The following DYTN variants were observed in gnomAD, a reference collection of about 807,000 sequenced individuals.
DYTN encodes dystrotelin.
DYTN carries 75 observed loss-of-function variants against 69.6 expected under a neutral mutation model. The ratio of observed to expected loss-of-function variants is 1.08; its 90% CI spans 0.89 to 1.31. The LOEUF (loss-of-function observed/expected upper bound fraction) is 1.31. DYTN is among the 50% of genes most tolerant of loss of function. The pLI, the probability that DYTN is intolerant of heterozygous loss-of-function variation, is 0.00. For synonymous variants in DYTN, 252 were observed against 249.1 expected (o/e 1.01, Z -0.11); for missense variants, 726 against 688.4 (o/e 1.05, Z -0.61).
Position 206,693,461 on chromosome 2 carries a change from C to T in DYTN, c.832-138G>A, listed in dbSNP as rs966989351. The T allele has an allele frequency of 2.9e-5, 32 of 1,121,014 alleles. No individual in the cohort carries two copies. The East Asian group carries it at 4.6e-4, about 16-fold the overall frequency. The allele number at this position is 1,121,014 out of a possible 1,614,324, so 69.4% of individuals were successfully genotyped here. ...GTCCTCAGAAAAATAATCTTACCTCCTTCTTGTCCCTGAATTTCTTCACAT... is the reference window on the plus strand; with the variant it reads ...GTCCTCAGAAAAATAATCTTACCTCTTTCTTGTCCCTGAATTTCTTCACAT... On this transcript the variant is annotated intron_variant, in intron 8 of 11. Coordinates refer to ENST00000452335, the MANE Select transcript of DYTN (RefSeq NM_001093730.1).
Position 206,706,340 on chromosome 2 carries a change from A to G in DYTN, c.297-467T>C, listed in dbSNP as rs184679735. 3.4e-4 allele frequency among the ~76,000 whole-genome samples: 52 copies of G among 152,310 alleles called. No homozygotes were observed. The East Asian group carries it at 4.4e-3, about 13-fold the overall frequency. Reference sequence around the variant, plus strand: ...TCCTTGCCCACTTGCTGTCTAGTTTACAAACGTACTGAACAATTTATCGAA... The same window carrying G: ...TCCTTGCCCACTTGCTGTCTAGTTTGCAAACGTACTGAACAATTTATCGAA... On this transcript the variant is annotated intron_variant, in intron 3 of 11. Transcript: ENST00000452335.
chr2:206,666,050 A>G, intron 9 of DYTN, 21 bp from the exon 10 acceptor site: 1 of 1,611,192 alleles, frequency 6.2e-7, no homozygotes, highest in Non-Finnish European at 8.5e-7. Flanking sequence ...AACAGATTTG[A>G]GCGGTTTGGA....
chr2:206,676,073 A>T (rs1248878499), intron 9 of DYTN, among the ~76,000 whole-genome samples: 1 of 152,208 alleles, frequency 6.6e-6, no homozygotes, highest in African/African-American at 2.4e-5. Context: ...CAATCCCATT[A>T]CTGGGTATAA....
At chr2:206,677,418 A>T (rs1281063369) in intron 9 of DYTN, among the ~76,000 whole-genome samples, 1 of 149,958 alleles carries the variant, frequency 6.7e-6, no homozygotes, top group Admixed American at 6.7e-5. Flanking sequence ...AGATAGCATT[A>T]AAACACATTC....
chr2:206,662,335 C>G (rs907881919), intron 11 of DYTN, among the ~76,000 whole-genome samples: 1 of 152,146 alleles, frequency 6.6e-6, no homozygotes, highest in Admixed American at 6.5e-5. Flanking sequence ...AGAAGGATCT[C>G]TCTCTACATA....
intron 5 of DYTN, chr2:206,701,044 C>A (rs1024746816): frequency 6.6e-6 from 1 of 152,090 alleles, no homozygotes; most frequent in Non-Finnish European, 1.5e-5. Context: ...CAAGTCCTTG[C>A]TATTGTATAT....
At chr2:206,716,349 G>C (rs1013073224) in intron 1 of DYTN, among the ~76,000 whole-genome samples, 1 of 152,110 alleles carries the variant, frequency 6.6e-6, no homozygotes, top group Non-Finnish European at 1.5e-5. Flanking sequence ...GTGAGAACAT[G>C]CCACAGGCCT....
chr2:206,694,918 A>T, intron 7 of DYTN, 41 bp from the exon 8 acceptor site: 35 of 940,650 alleles, frequency 3.7e-5, no homozygotes, highest in Non-Finnish European at 4.4e-5. Context: ...TCACTAGTAG[A>T]TGAGAAAAAA....
At chr2:206,688,036 C>A (rs1213003320) in intron 9 of DYTN, among the ~76,000 whole-genome samples, 1 of 152,132 alleles carries the variant, frequency 6.6e-6, no homozygotes, top group East Asian at 1.9e-4. Context: ...CCTTGTGATT[C>A]TATCTGGAAA....
intron 9 of DYTN, among the ~76,000 whole-genome samples, chr2:206,691,216 C>G (rs1034292393): frequency 7.2e-5 from 11 of 152,098 alleles, no homozygotes; most frequent in African/African-American, 2.4e-4. Context: ...AGATCAAGAC[C>G]AGCCTGGCCA....
At chr2:206,671,468 T>G (rs768242855) in intron 9 of DYTN, among the ~76,000 whole-genome samples, 4 of 152,232 alleles carry the variant, frequency 2.6e-5, no homozygotes, top group Non-Finnish European at 4.4e-5. Context: ...TCCACGTGCA[T>G]AGCATAGTCT....
At chr2:206,710,503 T>C in intron 2 of DYTN, 21 bp downstream of exon 2, 1 of 1,597,752 alleles carries the variant, frequency 6.3e-7, no homozygotes, top group Non-Finnish European at 8.5e-7. Flanking sequence ...TTTCAAATAT[T>C]TCAGGAGAGC....
At chr2:206,709,368 C>G (rs56311548) in intron 2 of DYTN, among the ~76,000 whole-genome samples, 33,789 of 151,978 alleles carry the variant, frequency 0.22, 4,371 homozygotes, top group Non-Finnish European at 0.28. Flanking sequence ...AGGATGGCTT[C>G]AGCCTGGGAG....
rs370297106 is a variant in DYTN, at chr2:206,693,186, A to T, written c.969T>A (p.His323Gln). The T allele has an allele frequency of 6.2e-6, 10 of 1,611,244 alleles. No homozygotes were observed. Among genetic ancestry groups the T allele is most frequent in the Non-Finnish European group, 8.5e-6 (10 of 1,179,316 alleles). Reference sequence around the variant, plus strand: ...TCGCAGCCACTCACCTGGCCTGCGCATGGTGAGGCACACCCTTTGGATTCA... The same window carrying T: ...TCGCAGCCACTCACCTGGCCTGCGCTTGGTGAGGCACACCCTTTGGATTCA... ...DQVNPKGVPH[H>Q]AQARLLKKQL... Residue 323 changes from histidine to glutamine, a missense_variant, in exon 9 of 12, where the codon CAT (histidine) becomes CAA (glutamine). By Grantham distance (24) the His-to-Gln change is conservative (BLOSUM62 0). Transcript: ENST00000452335.
chr2:206,711,738 C>T (rs1444540428), intron 1 of DYTN, among the ~76,000 whole-genome samples: 2 of 151,542 alleles, frequency 1.3e-5, no homozygotes, highest in Non-Finnish European at 2.9e-5. Flanking sequence ...CTCCCCCTTC[C>T]CCCCACCCCA....
At chr2:206,679,023 C>T (rs1474269686) in intron 9 of DYTN, 1 of 152,158 alleles carries the variant, frequency 6.6e-6, no homozygotes, top group East Asian at 1.9e-4. Flanking sequence ...CACCTGGTAA[C>T]ATGAGTTGCT....
At position 206,704,951 on chromosome 2, in the gene DYTN, T is replaced by C. The variant is rs560128332; in HGVS notation, c.383-8A>G. 1.9e-6 allele frequency: 3 copies of C among 1,609,174 alleles called. No individual in the cohort carries two copies. Among genetic ancestry groups the C allele is most frequent in the Non-Finnish European group, 2.6e-6 (3 of 1,176,210 alleles). The stretch of plus-strand genomic sequence containing the variant: ...CATAGAGTTGAAAAAGAGCTAGACA[T>C]GTAGGAGGAACAATCTTTAAATTGA... On this transcript the variant is annotated splice_region_variant and splice_polypyrimidine_tract_variant and intron_variant, in intron 4 of 11. Transcript: ENST00000452335.
chr2:206,700,009 G>A, intron 6 of DYTN, 119 bp from the exon 7 acceptor site: 2 of 1,533,742 alleles, frequency 1.3e-6, no homozygotes, highest in Non-Finnish European at 1.8e-6. Flanking sequence ...AAAGCTGGAG[G>A]TGAGACTACC....
chr2:206,716,182 A>G (rs1218849783), intron 1 of DYTN, among the ~76,000 whole-genome samples: 1 of 152,200 alleles, frequency 6.6e-6, no homozygotes, highest in Non-Finnish European at 1.5e-5. Context: ...CTTGATTTTG[A>G]TTTAGGAAAT....
Sources: allele counts gnomAD v4.1 joint callset (sites outside exome capture counted in the v4.1 genomes callset), GRCh38; gene constraint gnomAD v4.1.1; transcripts MANE v1.5; gene names NCBI Gene and HGNC (gene_info 2026-07-23, HGNC 2026-07-21).